LRCH1: variants seen among roughly 807,000 people sequenced by gnomAD.
LRCH1 encodes the protein leucine rich repeats and calponin homology domain containing 1.
A neutral mutation model predicts 94.9 loss-of-function variants in LRCH1; 23 were observed. The ratio of observed to expected loss-of-function variants is 0.24; its 90% CI spans 0.17 to 0.34. The LOEUF (loss-of-function observed/expected upper bound fraction) is 0.34, where lower values mean the gene tolerates loss of function less well. Ranked by LOEUF, LRCH1 falls within the 10% of genes least tolerant of loss-of-function variation. The probability of loss-of-function intolerance (pLI) is 1.00; values close to 1 mark genes in which losing one functional copy is unlikely to be tolerated. For missense variants in LRCH1, 790 were observed against 945.9 expected, an observed-to-expected ratio of 0.84 and a Z score of 2.16; for synonymous variants, 364 against 354.9, an observed-to-expected ratio of 1.03 and a Z score of -0.29.
Position 46,728,911 on chromosome 13 carries a change from T to C in LRCH1, c.1934T>C (p.Val645Ala). Residue 645 changes from valine to alanine, a missense_variant, in exon 18 of 20, where the codon GTC becomes GCC. Val to Ala is a moderately conservative substitution (Grantham distance 64). This residue lies in a region of LRCH1 where 460 missense variants were observed against 508.9 expected (regional missense o/e 0.90). Coordinates refer to ENST00000389797, the MANE Select transcript of LRCH1 (RefSeq NM_001164211.2). ...EDLGAALMDGVVLCHLVNHIR... is the reference protein window; with the variant it reads ...EDLGAALMDGAVLCHLVNHIR... ...CTGGGGGCAGCCCTCATGGATGGTG[T>C]CGTCCTCTGCCATCTGGTCAACCAC... is the stretch of plus-strand genomic sequence containing the variant. The C allele has an allele frequency of 6.2e-7, 1 of 1,613,800 alleles. No homozygotes were observed. Among genetic ancestry groups the C allele is most frequent in the South Asian group, 1.1e-5 (1 of 90,928 alleles).
intron 1 of LRCH1, among the ~76,000 whole-genome samples, chr13:46,567,975 A>G (rs150251353): frequency 1.8e-4 from 27 of 152,216 alleles, no homozygotes; most frequent in African/African-American, 6.5e-4. Context: ...GTCTTTCTCA[A>G]GTGGTTCCAT....
chr13:46,709,315 C>T (rs930269682), intron 13 of LRCH1, among the ~76,000 whole-genome samples: 2 of 152,230 alleles, frequency 1.3e-5, no homozygotes, highest in Non-Finnish European at 1.5e-5. Context: ...CCCAGCCCAG[C>T]TTTCCCTCTA....
chr13:46,666,642 T>C lies in LRCH1; in HGVS notation c.453-2388T>C, dbSNP rs559331979. The stretch of plus-strand genomic sequence containing the variant: ...AGGTTTACGTATGGCTCCAAATAAA[T>C]AGACTTGCCTTATTAACATTTTTAT... On this transcript the variant is annotated intron_variant, in intron 2 of 19. Transcript: ENST00000389797. Among the ~76,000 whole-genome samples, 560 of 152,366 alleles carry C rather than the reference T, an allele frequency of 3.7e-3. 3 individuals are homozygous for C. Among genetic ancestry groups the C allele is most frequent in the Middle Eastern group, 0.014 (4 of 294 alleles).
At chr13:46,695,632 G>C (rs910278300) in intron 9 of LRCH1, among the ~76,000 whole-genome samples, 2 of 152,188 alleles carry the variant, frequency 1.3e-5, no homozygotes, top group East Asian at 3.8e-4. Context: ...GTATGTTTCT[G>C]CCAGCCCTTT....
At chr13:46,707,874 G>A (rs981365428) in intron 13 of LRCH1, among the ~76,000 whole-genome samples, 1 of 152,156 alleles carries the variant, frequency 6.6e-6, no homozygotes, top group African/African-American at 2.4e-5. Flanking sequence ...AAGACACAGA[G>A]GTCCTACACT....
chr13:46,625,224 TC>T, intron 1 of LRCH1, among the ~76,000 whole-genome samples: 1 of 152,356 alleles, frequency 6.6e-6, no homozygotes, highest in East Asian at 1.9e-4. Flanking sequence ...AGTACCCTCT[TC>T]CATACTCTTC....
chr13:46,611,333 GTTC>G (rs1286876895), intron 1 of LRCH1, among the ~76,000 whole-genome samples: 1 of 152,130 alleles, frequency 6.6e-6, no homozygotes, highest in Non-Finnish European at 1.5e-5. Flanking sequence ...CCTTCCTTGG[GTTC>G]TTCTGGTTGG....
chr13:46,730,495 T>C (rs527878284), intron 18 of LRCH1, among the ~76,000 whole-genome samples: 4 of 152,332 alleles, frequency 2.6e-5, no homozygotes, highest in African/African-American at 9.6e-5. Flanking sequence ...TGTCCTACTT[T>C]CTTTTCTCTT....
intron 1 of LRCH1, among the ~76,000 whole-genome samples, chr13:46,590,563 G>C (rs555715901): frequency 5.9e-5 from 9 of 152,250 alleles, no homozygotes; most frequent in Admixed American, 5.9e-4. Flanking sequence ...CCTTTAGGAG[G>C]CTAAGGCAGG....
intron 1 of LRCH1, among the ~76,000 whole-genome samples, chr13:46,578,352 G>A (rs1196391445): frequency 4.6e-5 from 7 of 152,090 alleles, no homozygotes; most frequent in Non-Finnish European, 7.3e-5. Context: ...CTTGGGCTTG[G>A]GTGCCACCTT....
chr13:46,574,284 G>A (rs2050276867), intron 1 of LRCH1, among the ~76,000 whole-genome samples: 1 of 152,018 alleles, frequency 6.6e-6, no homozygotes, highest in Non-Finnish European at 1.5e-5. Context: ...TTGCATGCCT[G>A]TATGAAAGTA....
At chr13:46,751,993 G>T (rs539342542) in exon 19 of LRCH1, 1 of 152,414 alleles carries the variant, frequency 6.6e-6, no homozygotes, top group Non-Finnish European at 1.5e-5. Flanking sequence ...GAAGTGAGTC[G>T]TTGTGAGCCT....
At chr13:46,734,117 G>A (rs772352932) in intron 19 of LRCH1, 119 bp downstream of exon 19, 34 of 472,800 alleles carry the variant, frequency 7.2e-5, no homozygotes, top group Non-Finnish European at 9.4e-5. Context: ...AACCTTTCTT[G>A]AGAAATAATA....
At chr13:46,748,299 A>G (rs1555290542), downstream of LRCH1, among the ~76,000 whole-genome samples, 1 of 149,952 alleles carries the variant, frequency 6.7e-6, no homozygotes, top group Non-Finnish European at 1.5e-5. Context: ...TTAATGTTCA[A>G]CTCTTTATTT....
At chr13:46,572,062 CT>C (rs1305200898) in intron 1 of LRCH1, among the ~76,000 whole-genome samples, 1 of 152,222 alleles carries the variant, frequency 6.6e-6, no homozygotes, top group African/African-American at 2.4e-5. Flanking sequence ...TCTGCCACTA[CT>C]CTGGGAACAT....
intron 8 of LRCH1, among the ~76,000 whole-genome samples, chr13:46,694,367 G>T (rs1871065317): frequency 6.6e-6 from 1 of 152,294 alleles, no homozygotes; most frequent in Non-Finnish European, 1.5e-5. Flanking sequence ...ACCTCTGTGT[G>T]GCCCTTCTTG....
At chr13:46,567,517 T>TGTGTGC (rs1356096713) in intron 1 of LRCH1, among the ~76,000 whole-genome samples, 1 of 151,956 alleles carries the variant, frequency 6.6e-6, no homozygotes, top group African/African-American at 2.4e-5. Context: ...TGTGTGTGTG[T>TGTGTGC]GTGTGTGTGT....
At chr13:46,673,603 G>A (rs1276529102) in intron 3 of LRCH1, among the ~76,000 whole-genome samples, 1 of 152,200 alleles carries the variant, frequency 6.6e-6, no homozygotes. Flanking sequence ...AGATTTGGGA[G>A]CACCCCAAGC....
At position 46,705,130 on chromosome 13, in the gene LRCH1, C is replaced by G. The variant is rs1358936894; in HGVS notation, c.1463C>G (p.Ala488Gly). Residue 488 changes from alanine to glycine, a missense_variant, in exon 12 of 20, where the codon GCC becomes GGC. This residue lies in a region of LRCH1 where 460 missense variants were observed against 508.9 expected (regional missense o/e 0.90). Coordinates refer to ENST00000389797, the MANE Select transcript of LRCH1 (RefSeq NM_001164211.2). ...CTATATCCTATGGGATCAGCAGAAG[C>G]CTTAGAATTACAAGATTCTGCACTG... Reference protein sequence around the residue: ...LNLYPMGSAEALELQDSALNG... With the variant: ...LNLYPMGSAEGLELQDSALNG... The G allele has an allele frequency of 1.2e-6, 2 of 1,609,446 alleles. No individual in the cohort carries two copies. Among genetic ancestry groups the G allele is most frequent in the Non-Finnish European group, 1.7e-6 (2 of 1,177,878 alleles).
Sources: gnomAD v4.1 joint callset for allele counts (sites outside exome capture counted in the v4.1 genomes callset) on GRCh38, gnomAD v4.1.1 for gene constraint, gnomAD v4.1.1 regional missense constraint, MANE v1.5 for transcripts, NCBI Gene and HGNC (gene_info 2026-07-23, HGNC 2026-07-21) for gene names.